MTOR: variants seen among roughly 807,000 people sequenced by gnomAD.
The protein encoded by MTOR is mechanistic target of rapamycin kinase, also known as serine/threonine-protein kinase mTOR.
MTOR carries 70 observed loss-of-function variants against 319.8 expected under a neutral mutation model. The ratio of observed to expected loss-of-function variants is 0.22; its 90% CI spans 0.18 to 0.27. The LOEUF (loss-of-function observed/expected upper bound fraction) is 0.27, where lower values mean the gene tolerates loss of function less well. Ranked by LOEUF, MTOR falls within the 10% of genes least tolerant of loss-of-function variation. MTOR has a pLI of 1.00. For synonymous variants in MTOR, 1,183 were observed against 1,211.4 expected (o/e 0.98, Z 0.49); for missense variants, 1,890 against 3,274.4 (o/e 0.58, Z 10.32).
At position 11,123,966 on chromosome 1, in the gene MTOR, T is replaced by G. The variant is rs546828177; in HGVS notation, c.6662+532A>C. Among the ~76,000 whole-genome samples, 7 of 152,294 alleles carry G rather than the reference T, an allele frequency of 4.6e-5. No individual in the cohort carries two copies. The South Asian group carries it at 1.5e-3, about 32-fold the overall frequency. ...CCACGCCCAGCTAATTTTTGTATTT[T>G]TAGTAGACACAGGGTTTCACCATGT... On this transcript the variant is annotated intron_variant, in intron 47 of 57. Coordinates refer to ENST00000361445, the MANE Select transcript of MTOR (RefSeq NM_004958.4).
chr1:11,166,043 G>T (rs562652405), intron 29 of MTOR, among the ~76,000 whole-genome samples: 319 of 152,314 alleles, frequency 2.1e-3, no homozygotes, highest in Middle Eastern at 0.01. Context: ...CTAGCCATAT[G>T]TAGAAATCTG....
intron 19 of MTOR, among the ~76,000 whole-genome samples, chr1:11,221,713 T>C: frequency 6.7e-6 from 1 of 148,382 alleles, no homozygotes; most frequent in South Asian, 2.1e-4. Flanking sequence ...TACATATATA[T>C]ATAGTGTATA....
intron 31 of MTOR, among the ~76,000 whole-genome samples, chr1:11,148,284 T>C (rs750264915): frequency 6.6e-6 from 1 of 152,202 alleles, no homozygotes; most frequent in Non-Finnish European, 1.5e-5. Flanking sequence ...CGCCTACCTC[T>C]AGATTTCATT....
At position 11,107,507 on chromosome 1, in the gene MTOR, A is replaced by C; in HGVS notation, c.7635-7T>G. On this transcript the variant is annotated splice_region_variant and splice_polypyrimidine_tract_variant and intron_variant, in intron 57 of 57. Coordinates refer to ENST00000361445, the MANE Select transcript of MTOR (RefSeq NM_004958.4). ...CAGTTACCAGAAAGGGCACCTAAGA[A>C]GGCAGAAAGAAAAGGAATATTTTAA... 1.2e-6 allele frequency: 2 copies of C among 1,612,648 alleles called. No homozygotes were observed. Among genetic ancestry groups the C allele is most frequent in the Non-Finnish European group, 1.7e-6 (2 of 1,179,628 alleles).
At position 11,121,133 on chromosome 1, in the gene MTOR, C is replaced by T. The variant is rs1642501858; in HGVS notation, c.6933+113G>A. On this transcript the variant is annotated intron_variant, in intron 49 of 57. Coordinates refer to ENST00000361445, the MANE Select transcript of MTOR (RefSeq NM_004958.4). The surrounding 1 kb of genome is among the most constrained non-coding windows in gnomAD (Gnocchi z 4.9). The stretch of plus-strand genomic sequence containing the variant: ...GTTAGAAAAGTCTGGACACGCTCTA[C>T]AGCCAATCACAGCAAAGAAGAGCCG... 1.4e-6 allele frequency: 2 copies of T among 1,435,900 alleles called. No individual in the cohort carries two copies. The highest frequency in any genetic ancestry group is 9.3e-7 in the Non-Finnish European group (1 of 1,072,178). 88.9% of individuals were successfully genotyped at this position (1,435,900 alleles called of 1,614,324 possible).
chr1:11,195,890 A>C (rs1250244789), intron 28 of MTOR: 1 of 152,284 alleles, frequency 6.6e-6, no homozygotes, highest in Non-Finnish European at 1.5e-5. Context: ...GCTGTAAATA[A>C]GCATCTCACT....
chr1:11,222,676 G>A (rs1273347132), intron 19 of MTOR, among the ~76,000 whole-genome samples: 1 of 151,728 alleles, frequency 6.6e-6, no homozygotes, highest in African/African-American at 2.4e-5. Context: ...AAATCCAGAA[G>A]GAATAATCAA....
Position 11,127,976 on chromosome 1 carries a change from A to T in MTOR, c.6033+28T>A, listed in dbSNP as rs2100412189. The T allele has an allele frequency of 6.2e-7, 1 of 1,612,640 alleles. No individual in the cohort carries two copies. Among genetic ancestry groups the T allele is most frequent in the Non-Finnish European group, 8.5e-7 (1 of 1,179,840 alleles). ...CCCACCAGCTAAGGGACCAGGGTCTATGAAGCCCCACAGTGGCTCCGACCC... is the reference window on the plus strand; with the variant it reads ...CCCACCAGCTAAGGGACCAGGGTCTTTGAAGCCCCACAGTGGCTCCGACCC... On this transcript the variant is annotated intron_variant, in intron 43 of 57. Transcript: ENST00000361445. This position sits in a 1 kb window ranked among gnomAD's most constrained non-coding sequence, Gnocchi z 5.5.
chr1:11,185,184 C>T (rs1192106430), intron 28 of MTOR, among the ~76,000 whole-genome samples: 4 of 151,972 alleles, frequency 2.6e-5, no homozygotes, highest in East Asian at 3.9e-4. Context: ...CCAGAATAAT[C>T]GCTGGATTGT....
chr1:11,217,557 T>G (rs994878707), intron 19 of MTOR, among the ~76,000 whole-genome samples: 1 of 151,272 alleles, frequency 6.6e-6, no homozygotes, highest in East Asian at 1.9e-4. Context: ...CCCGCCACCA[T>G]GCCCGGCTAA....
Position 11,240,520 on chromosome 1 carries a change from G to A in MTOR, c.1569C>T (p.Asp523=). ...LSPALTAVLY[D]LSRQIPQLKK... is the part of the protein sequence containing the mutation. ...TTAGCTGTGGAATCTGACGGCTCAG[G>A]TCGTAGAGCACTGCAGTGAGGGCAG... The change falls in exon 11 of 58, where the codon GAC becomes GAT. Residue 523 remains aspartate (D), a synonymous_variant. Transcript: ENST00000361445. 6.2e-7 allele frequency: 1 copy of A among 1,614,214 alleles called. No individual in the cohort carries two copies. The highest frequency in any genetic ancestry group is 1.1e-5 in the South Asian group (1 of 91,086).
intron 29 of MTOR, among the ~76,000 whole-genome samples, chr1:11,160,729 G>A (rs958763314): frequency 2.2e-4 from 33 of 152,236 alleles, no homozygotes; most frequent in African/African-American, 7.7e-4. Context: ...CACATGCTAA[G>A]AGTTTGATAA....
Position 11,212,585 on chromosome 1 carries a change from C to G in MTOR, c.3399-111G>C, listed in dbSNP as rs989191066. 3.7e-6 allele frequency: 5 copies of G among 1,350,486 alleles called. No individual in the cohort carries two copies. The highest frequency in any genetic ancestry group is 1.5e-5 in the African/African-American group (1 of 68,282). 83.7% of individuals were successfully genotyped at this position (1,350,486 alleles called of 1,614,324 possible). ...CCAAAGGGATGGGAATGAACGGCTT[C>G]TAAGGTATTTTGGATGACATGGATC... On this transcript the variant is annotated intron_variant, in intron 22 of 57. Coordinates refer to ENST00000361445, the MANE Select transcript of MTOR (RefSeq NM_004958.4). The surrounding 1 kb of genome is among the most constrained non-coding windows in gnomAD (Gnocchi z 4.1).
chr1:11,139,091 T>C (rs1222360634), intron 36 of MTOR: 1 of 570,572 alleles, frequency 1.8e-6, no homozygotes, highest in Non-Finnish European at 3.0e-6. Context: ...ATCACATTCA[T>C]TGGTTTGATC....
intron 30 of MTOR, among the ~76,000 whole-genome samples, chr1:11,152,950 C>G (rs920548213): frequency 7.2e-5 from 11 of 152,262 alleles, no homozygotes; most frequent in African/African-American, 2.6e-4. Flanking sequence ...TTATGGGTAA[C>G]TATAAAACGG....
chr1:11,192,000 A>G (rs1645556074), intron 28 of MTOR, among the ~76,000 whole-genome samples: 1 of 152,138 alleles, frequency 6.6e-6, no homozygotes, highest in Admixed American at 6.5e-5. Context: ...AGAATAATTT[A>G]TTTCAGAGTT....
At chr1:11,160,524 G>A (rs1229072002) in intron 29 of MTOR, among the ~76,000 whole-genome samples, 2 of 152,126 alleles carry the variant, frequency 1.3e-5, no homozygotes, top group African/African-American at 4.8e-5. Context: ...CAAATGCCTT[G>A]GCTCTAATGT....
At chr1:11,122,620 G>A (rs2100368208) in intron 47 of MTOR, among the ~76,000 whole-genome samples, 1 of 150,816 alleles carries the variant, frequency 6.6e-6, no homozygotes, top group Admixed American at 6.7e-5. Context: ...CGATTCTCCT[G>A]CGTCAGCCTC....
At chr1:11,167,656 T>G (rs1644688214) in intron 28 of MTOR, 139 bp from the exon 29 acceptor site, 9 of 660,770 alleles carry the variant, frequency 1.4e-5, no homozygotes, top group Non-Finnish European at 2.2e-5. Flanking sequence ...AATTATCTAT[T>G]ACCATCCAGA....
Sources: allele counts gnomAD v4.1 joint callset (sites outside exome capture counted in the v4.1 genomes callset), GRCh38; gene constraint gnomAD v4.1.1; non-coding constraint Gnocchi (gnomAD v3.1); transcripts MANE v1.5; gene names NCBI Gene and HGNC (gene_info 2026-07-23, HGNC 2026-07-21).